The following NRXN3 variants were observed in gnomAD, a reference collection of about 807,000 sequenced individuals.
NRXN3 encodes neurexin 3.
In NRXN3, 32 loss-of-function variants were observed where a neutral mutation model predicts 137.6. That is an observed-to-expected ratio of 0.23 (90% CI 0.18 to 0.31). The LOEUF (loss-of-function observed/expected upper bound fraction) is 0.31, where lower values mean the gene tolerates loss of function less well. Among genes scored for constraint, NRXN3 ranks in the 10% least tolerant of loss-of-function variants. The probability of loss-of-function intolerance (pLI) is 1.00; values close to 1 mark genes in which losing one functional copy is unlikely to be tolerated. For synonymous variants in NRXN3, 798 were observed against 784.5 expected, an observed-to-expected ratio of 1.02 and a Z score of -0.29; for missense variants, 1,574 against 2,062.5, an observed-to-expected ratio of 0.76 and a Z score of 4.59.
chr14:78,469,780 C>G (rs1164578529), intron 4 of NRXN3, among the ~76,000 whole-genome samples: 4 of 152,166 alleles, frequency 2.6e-5, no homozygotes, highest in African/African-American at 9.7e-5. Context: ...TTTACAGTAG[C>G]ACCTGAAAAA....
intron 16 of NRXN3, among the ~76,000 whole-genome samples, chr14:79,573,432 G>A (rs748383171): frequency 3.9e-5 from 6 of 152,084 alleles, no homozygotes; most frequent in Non-Finnish European, 7.4e-5. Context: ...CACAGCACTG[G>A]TTTTGTCAGT....
intron 4 of NRXN3, among the ~76,000 whole-genome samples, chr14:78,518,779 G>A (rs2096247527): frequency 6.6e-6 from 1 of 152,090 alleles, no homozygotes; most frequent in Non-Finnish European, 1.5e-5. Flanking sequence ...ACATCCTGAG[G>A]CAGGTGGGGG....
At chr14:79,756,065 A>T (rs2099018436) in intron 19 of NRXN3, among the ~76,000 whole-genome samples, 1 of 152,102 alleles carries the variant, frequency 6.6e-6, no homozygotes, top group Non-Finnish European at 1.5e-5. Flanking sequence ...AGGGACTTTA[A>T]TAGCCCCTGG....
At chr14:79,130,587 C>T (rs1231043945) in intron 15 of NRXN3, among the ~76,000 whole-genome samples, 1 of 151,994 alleles carries the variant, frequency 6.6e-6, no homozygotes, top group South Asian at 2.1e-4. Context: ...GGTAACCCGA[C>T]CTTTCTCTCT....
chr14:79,766,622 AAT>A (rs1447110612), intron 19 of NRXN3, among the ~76,000 whole-genome samples: 11 of 152,196 alleles, frequency 7.2e-5, no homozygotes, highest in Non-Finnish European at 1.5e-4. Context: ...GGTAGTTTTG[AAT>A]GTGTAATCTC....
chr14:79,363,269 G>T (rs1248149650), intron 15 of NRXN3, among the ~76,000 whole-genome samples: 1 of 152,090 alleles, frequency 6.6e-6, no homozygotes, highest in African/African-American at 2.4e-5. Context: ...CAAAGTGCTG[G>T]GATTATAGGC....
chr14:78,492,707 A>G (rs1217910829), intron 4 of NRXN3, among the ~76,000 whole-genome samples: 2 of 152,166 alleles, frequency 1.3e-5, no homozygotes, highest in Admixed American at 6.6e-5. Context: ...GGCTGGGTGG[A>G]TAATATCATT....
intron 10 of NRXN3, among the ~76,000 whole-genome samples, chr14:78,891,214 T>C (rs1369452769): frequency 6.6e-6 from 1 of 151,874 alleles, no homozygotes; most frequent in Non-Finnish European, 1.5e-5. Flanking sequence ...TTGGGCCAAG[T>C]AAGCCTTCTC....
At chr14:78,995,500 T>C (rs540426379) in intron 15 of NRXN3, among the ~76,000 whole-genome samples, 24 of 152,328 alleles carry the variant, frequency 1.6e-4, no homozygotes, top group African/African-American at 5.3e-4. Context: ...ATAATTACAG[T>C]GCTTCTAAAG....
At chr14:79,345,130 C>T (rs145949290) in intron 15 of NRXN3, among the ~76,000 whole-genome samples, 4 of 152,040 alleles carry the variant, frequency 2.6e-5, no homozygotes, top group East Asian at 1.9e-4. Flanking sequence ...GGTATTTGCA[C>T]GTTCCAACTA....
At chr14:79,227,760 T>C (rs1256485675) in intron 15 of NRXN3, among the ~76,000 whole-genome samples, 1 of 106,180 alleles carries the variant, frequency 9.4e-6, no homozygotes, top group African/African-American at 3.2e-5. Context: ...CTTCCTTCCT[T>C]CCTTCCTTCC....
chr14:79,570,137 G>A (rs17109467), intron 16 of NRXN3, among the ~76,000 whole-genome samples: 10,474 of 152,102 alleles, frequency 0.069, 405 homozygotes, highest in South Asian at 0.13. Flanking sequence ...TTTCTAGGAG[G>A]CCTCAGAGTT....
chr14:78,683,038 G>A (rs1422965435), intron 6 of NRXN3, among the ~76,000 whole-genome samples: 2 of 152,176 alleles, frequency 1.3e-5, no homozygotes, highest in Non-Finnish European at 2.9e-5. Flanking sequence ...CTGAGCACTT[G>A]AAATGTGCCT....
intron 14 of NRXN3, among the ~76,000 whole-genome samples, chr14:78,974,792 C>A (rs777128819): frequency 6.6e-6 from 1 of 151,994 alleles, no homozygotes; most frequent in Non-Finnish European, 1.5e-5. Flanking sequence ...CACAAGCTGG[C>A]TTTTTCAGCT....
chr14:78,760,809 A>C (rs1448324572), intron 8 of NRXN3, among the ~76,000 whole-genome samples: 1 of 152,134 alleles, frequency 6.6e-6, no homozygotes, highest in Non-Finnish European at 1.5e-5. Flanking sequence ...CTTTGCGTTA[A>C]TAAATGATGC....
At chr14:78,457,048 G>A (rs8010016) in intron 4 of NRXN3, among the ~76,000 whole-genome samples, 17,389 of 127,374 alleles carry the variant, frequency 0.14, 1,562 homozygotes, top group East Asian at 0.32. Context: ...CCTCTCCCCC[G>A]CCACCTCCTC....
chr14:79,527,293 CAAAAAAAAAAAA>C (rs397954192), intron 16 of NRXN3, among the ~76,000 whole-genome samples: 10 of 58,674 alleles, frequency 1.7e-4, no homozygotes, highest in African/African-American at 6.9e-4. Flanking sequence ...GACTCTGTCT[CAAAAAAAAAAAA>C]AAAAAAAAAA....
chr14:78,639,417 C>A (rs1369202386), intron 4 of NRXN3, among the ~76,000 whole-genome samples: 1 of 152,198 alleles, frequency 6.6e-6, no homozygotes, highest in Non-Finnish European at 1.5e-5. Context: ...CTGGCTACAG[C>A]CACTTCAGAG....
intron 20 of NRXN3, among the ~76,000 whole-genome samples, chr14:79,834,701 G>A (rs1459336955): frequency 2.0e-5 from 3 of 152,020 alleles, no homozygotes; most frequent in Non-Finnish European, 2.9e-5. Context: ...CCAAAACCAG[G>A]AAAGTTTGCA....
Sources: allele counts gnomAD v4.1 joint callset (sites outside exome capture counted in the v4.1 genomes callset), GRCh38; gene constraint gnomAD v4.1.1; transcripts MANE v1.5; gene names NCBI Gene and HGNC (gene_info 2026-07-23, HGNC 2026-07-21).